SLC30A8: variants seen among roughly 807,000 people sequenced by gnomAD.
SLC30A8 encodes solute carrier family 30 member 8, also known as proton-coupled zinc antiporter SLC30A8.
A neutral mutation model predicts 36.9 loss-of-function variants in SLC30A8; 27 were observed. The ratio of observed to expected loss-of-function variants is 0.73; its 90% CI spans 0.54 to 1.01. SLC30A8 has a LOEUF of 1.01. Ranked by LOEUF, SLC30A8 falls within the 50% of genes least tolerant of loss-of-function variation. The pLI, the probability that SLC30A8 is intolerant of heterozygous loss-of-function variation, is 0.00. For synonymous variants in SLC30A8, 164 were observed against 172.4 expected, an observed-to-expected ratio of 0.95 and a Z score of 0.38; for missense variants, 439 against 452.0, an observed-to-expected ratio of 0.97 and a Z score of 0.26.
intron 1 of SLC30A8, chr8:117,006,984 T>C (rs1440328128): frequency 5.3e-5 from 3 of 56,672 alleles, no homozygotes; most frequent in Admixed American, 2.1e-4. Context: ...TTTTTTTTTT[T>C]CTGTAGAGAC....
chr8:117,003,485 C>A (rs1480051039), intron 1 of SLC30A8, among the ~76,000 whole-genome samples: 3 of 152,140 alleles, frequency 2.0e-5, no homozygotes, highest in African/African-American at 4.8e-5. Flanking sequence ...TGATACCTAT[C>A]ATGATTGTTA....
intron 2 of SLC30A8, among the ~76,000 whole-genome samples, chr8:117,041,910 T>C (rs1817399714): frequency 6.6e-6 from 1 of 152,166 alleles, no homozygotes; most frequent in Non-Finnish European, 1.5e-5. Context: ...ACAGCTAAAA[T>C]ATTGGCCAAT....
chr8:117,109,568 A>C (rs1820135320), intron 2 of SLC30A8, among the ~76,000 whole-genome samples: 1 of 150,800 alleles, frequency 6.6e-6, no homozygotes, highest in Non-Finnish European at 1.5e-5. Context: ...AACTAATCAG[A>C]TTTTATAAAT....
chr8:117,135,219 A>AT lies in SLC30A8; in HGVS notation c.-103dup, dbSNP rs1436073604. ...TTATTTTAATTTCTGGAGCCTTTTA[A>AT]TTTTTTCTTTAGAAAGTGTATAAAT... is the stretch of plus-strand genomic sequence containing the variant. On this transcript the variant is annotated 5_prime_UTR_variant, in exon 1 of 8. Transcript: ENST00000456015. 1 of 655,608 alleles carries AT rather than the reference A, an allele frequency of 1.5e-6. No homozygotes were observed. Among genetic ancestry groups the AT allele is most frequent in the African/African-American group, 1.8e-5 (1 of 54,166 alleles). 40.6% of individuals were successfully genotyped at this position (655,608 alleles called of 1,614,324 possible). A position where few individuals can be genotyped will look rare whatever the true frequency, so the allele number is the denominator to read the frequency against.
At chr8:117,058,203 T>C (rs903945083) in intron 2 of SLC30A8, among the ~76,000 whole-genome samples, 2 of 152,222 alleles carry the variant, frequency 1.3e-5, no homozygotes, top group African/African-American at 2.4e-5. Context: ...AAAATATCTA[T>C]TCATGTCCTT....
In SLC30A8 at chr8:117,172,606, C is replaced by T; in HGVS notation, c.1035C>T (p.His345=). 1 of 1,613,748 alleles carries T rather than the reference C, an allele frequency of 6.2e-7. No homozygotes were observed. Among genetic ancestry groups the T allele is most frequent in the Non-Finnish European group, 8.5e-7 (1 of 1,179,732 alleles). The change falls in exon 8 of 8, where the codon CAC becomes CAT. Residue 345 remains histidine (H), a synonymous_variant. Transcript: ENST00000456015. ...AKALSKSFTM[H]SLTIQMESPV... is the part of the protein sequence containing the mutation. ...CCCTTAGCAAAAGCTTTACGATGCACTCACTCACCATTCAGATGGAATCTC... is the reference window on the plus strand; with the variant it reads ...CCCTTAGCAAAAGCTTTACGATGCATTCACTCACCATTCAGATGGAATCTC...
rs531094215 is a variant in SLC30A8 at position 117,104,253 on chromosome 8, C to A, written c.-225-31027C>A. On this transcript the variant is annotated intron_variant, in intron 2 of 10. Coordinates refer to the SLC30A8 transcript ENST00000427715. ...TGCTTAGTAGTTTCTTTCTCCATTT[C>A]TTTCCTTTCACATTTTATTATAGGC... Among the ~76,000 whole-genome samples, 4 of 152,216 alleles carry A rather than the reference C, an allele frequency of 2.6e-5. No individual in the cohort carries two copies. The South Asian group carries it at 8.3e-4, about 32-fold the overall frequency.
chr8:117,061,529 ATCC>A (rs1419923299), intron 2 of SLC30A8, among the ~76,000 whole-genome samples: 1 of 152,244 alleles, frequency 6.6e-6, no homozygotes, highest in Non-Finnish European at 1.5e-5. Context: ...CATAAAATGT[ATCC>A]TAGGCTGTTT....
chr8:117,169,446 G>A (rs569935303), intron 6 of SLC30A8, among the ~76,000 whole-genome samples: 1 of 151,950 alleles, frequency 6.6e-6, no homozygotes. Context: ...GAGGGTTAAG[G>A]GTTCCCCATT....
chr8:117,050,099 C>T (rs557169393), intron 2 of SLC30A8, among the ~76,000 whole-genome samples: 25 of 152,292 alleles, frequency 1.6e-4, no homozygotes, highest in Non-Finnish European at 3.1e-4. Context: ...TCTTCCACAT[C>T]ATTACTTTTT....
At chr8:117,089,879 A>G (rs1819033658) in intron 2 of SLC30A8, among the ~76,000 whole-genome samples, 2 of 152,020 alleles carry the variant, frequency 1.3e-5, no homozygotes, top group South Asian at 4.1e-4. Flanking sequence ...GTCTGGCCAC[A>G]CTTATCTCTT....
chr8:117,004,334 A>C (rs1482143503), intron 1 of SLC30A8, among the ~76,000 whole-genome samples: 1 of 152,244 alleles, frequency 6.6e-6, no homozygotes, highest in African/African-American at 2.4e-5. Context: ...TTTTGAATAG[A>C]TCTTTCTCAG....
intron 1 of SLC30A8, among the ~76,000 whole-genome samples, chr8:116,974,966 C>T (rs113095234): frequency 0.029 from 4,087 of 142,106 alleles, 170 homozygotes; most frequent in African/African-American, 0.099. Context: ...TGTTCTCACT[C>T]ATAGGTGGGA....
chr8:117,055,877 A>T (rs1817855667), intron 2 of SLC30A8: 1 of 152,192 alleles, frequency 6.6e-6, no homozygotes, highest in Non-Finnish European at 1.5e-5. Flanking sequence ...ACAGAAACAA[A>T]TGAAGAGGGA....
rs73315690 is a variant in SLC30A8, at chr8:117,110,097, A to C, written c.-225-25183A>C. Among the ~76,000 whole-genome samples the C allele has an allele frequency of 2.3e-3, 346 of 152,314 alleles. 1 individual carries two copies. Among genetic ancestry groups the C allele is most frequent in the African/African-American group, 7.8e-3 (326 of 41,572 alleles). ...TTGTAAGATAGATACACCTGGAAAG[A>C]GTATTAGAATAAAAGCATGTTGATT... On this transcript the variant is annotated intron_variant, in intron 2 of 10. Transcript: ENST00000427715.
intron 2 of SLC30A8, among the ~76,000 whole-genome samples, chr8:117,062,851 A>G (rs1406669457): frequency 1.3e-5 from 2 of 152,226 alleles, no homozygotes; most frequent in African/African-American, 4.8e-5. Flanking sequence ...GGCTTTACCC[A>G]TAGTTTTCGT....
chr8:117,097,597 A>G (rs71530858), intron 2 of SLC30A8, among the ~76,000 whole-genome samples: 7,078 of 86,534 alleles, frequency 0.082, 940 homozygotes, highest in Non-Finnish European at 0.1. Flanking sequence ...TATATATTAT[A>G]TATAATATAT....
intron 1 of SLC30A8, among the ~76,000 whole-genome samples, chr8:117,015,551 A>T (rs977536647): frequency 1.3e-5 from 2 of 152,014 alleles, no homozygotes; most frequent in South Asian, 2.1e-4. Flanking sequence ...CCCCCCCCAA[A>T]AAAAAGAGGG....
chr8:117,034,627 C>G (rs946230772), intron 1 of SLC30A8, among the ~76,000 whole-genome samples: 1 of 152,162 alleles, frequency 6.6e-6, no homozygotes, highest in Non-Finnish European at 1.5e-5. Context: ...CTTCAGATTC[C>G]AAGCTCTTGA....
Sources: allele counts gnomAD v4.1 joint callset (sites outside exome capture counted in the v4.1 genomes callset), GRCh38; gene constraint gnomAD v4.1.1; transcripts MANE v1.5; gene names NCBI Gene and HGNC (gene_info 2026-07-23, HGNC 2026-07-21).